Variants in CBX5 observed in about 807,000 individuals in gnomAD.
CBX5 encodes the protein chromobox protein homolog 5.
Under a neutral mutation model 20.7 loss-of-function variants are expected in CBX5, and 7 were observed. That is an observed-to-expected ratio of 0.34 (90% confidence interval 0.19 to 0.63). The LOEUF is 0.63. CBX5 is among the 30% of genes least tolerant of loss of function. The pLI, the probability that CBX5 is intolerant of heterozygous loss-of-function variation, is 0.75. For synonymous variants in CBX5, 78 were observed against 77.0 expected (o/e 1.01, Z -0.07); for missense variants, 110 against 224.1 (o/e 0.49, Z 3.25).
At chr12:54,251,183 G>A (rs1943797079) in intron 3 of CBX5, among the ~76,000 whole-genome samples, 1 of 151,570 alleles carries the variant, frequency 6.6e-6, no homozygotes, top group African/African-American at 2.4e-5. Flanking sequence ...AGCCCCGGCT[G>A]GGCATGGTGG....
At position 54,278,412 on chromosome 12, in the gene CBX5, A is replaced by T. The variant is rs967519438; in HGVS notation, c.-43+1596T>A. Among the ~76,000 whole-genome samples the T allele has an allele frequency of 3.9e-5, 6 of 152,228 alleles. No homozygotes were observed. In the South Asian group the frequency reaches 1.2e-3, roughly 32 times the overall value. ...ATAGGTTTACAGCCAGGTATAAATTATAGGTTTGTCCTTTTGCTAGTGCCA... is the reference window on the plus strand; with the variant it reads ...ATAGGTTTACAGCCAGGTATAAATTTTAGGTTTGTCCTTTTGCTAGTGCCA... On this transcript the variant is annotated intron_variant, in intron 1 of 4. Transcript: ENST00000209875.
At chr12:54,257,779 AC>A (rs1943876770) in intron 1 of CBX5, 87 bp from the exon 2 acceptor site, 1 of 923,854 alleles carries the variant, frequency 1.1e-6, no homozygotes, top group Admixed American at 2.3e-5. Context: ...AGGGGATAAC[AC>A]TGAGTTGCCA....
At chr12:54,248,774 T>C (rs1592156010) in intron 3 of CBX5, among the ~76,000 whole-genome samples, 1 of 152,204 alleles carries the variant, frequency 6.6e-6, no homozygotes, top group Non-Finnish European at 1.5e-5. Flanking sequence ...AAAATCATCA[T>C]ACAGGCAGTA....
chr12:54,252,376 T>C (rs922383869), intron 2 of CBX5, 149 bp from the exon 3 acceptor site: 1 of 460,586 alleles, frequency 2.2e-6, no homozygotes, highest in East Asian at 3.5e-5. Context: ...TGATCCTAGA[T>C]TTCTACCCAG....
At position 54,235,432 on chromosome 12, in the gene CBX5, G is replaced by A. The variant is rs575118647; in HGVS notation, c.*6323C>T. 3.9e-5 allele frequency: 6 copies of A among 152,148 alleles called. No homozygotes were observed. Among genetic ancestry groups the A allele is most frequent in the African/African-American group, 9.7e-5 (4 of 41,396 alleles). The allele number at this position is 152,148 out of a possible 1,614,324, so 9.4% of individuals were successfully genotyped here. ...GATTGAGACCATCCTGGCTAACAAG[G>A]TGAAACCCCGTCTCTACTAAAAATA... On this transcript the variant is annotated 3_prime_UTR_variant, in exon 5 of 5. Transcript: ENST00000209875.
chr12:54,267,636 C>T (rs574860243), intron 1 of CBX5, among the ~76,000 whole-genome samples: 9 of 152,108 alleles, frequency 5.9e-5, no homozygotes, highest in Admixed American at 1.3e-4. Flanking sequence ...CTCAGCCTCC[C>T]GAGTAGCTGG....
intron 1 of CBX5, among the ~76,000 whole-genome samples, chr12:54,270,715 C>T (rs889610357): frequency 5.9e-5 from 9 of 152,082 alleles, no homozygotes; most frequent in Admixed American, 5.2e-4. Flanking sequence ...TTCTTGATGT[C>T]TTTGTTACTG....
chr12:54,243,028 G>A (rs1050873086), intron 4 of CBX5, among the ~76,000 whole-genome samples: 1 of 152,246 alleles, frequency 6.6e-6, no homozygotes, highest in African/African-American at 2.4e-5. Context: ...GGAGGCTGAG[G>A]TGGGAGGATC....
rs780649799 is a variant in CBX5 at position 54,252,047 on chromosome 12, CT to C, written c.317del (p.Lys106ArgfsTer31). The C allele has an allele frequency of 5.0e-5, 79 of 1,569,210 alleles. No homozygotes were observed. The highest frequency in any genetic ancestry group is 1.6e-4 in the Admixed American group (8 of 51,296). On this transcript the variant is annotated frameshift_variant, in exon 3 of 5. Coordinates refer to ENST00000209875, the MANE Select transcript of CBX5 (RefSeq NM_012117.3). LOFTEE classifies it high-confidence loss of function. ...NSADDIKSKK[K>X]REQSNDIARG... ...AAAGGGAAAGGAAGCTTACCTCTCT[CT>C]TTTTTTTAGATTTGATGTCATCGGC... is the stretch of plus-strand genomic sequence containing the variant.
chr12:54,251,516 C>CAAAAAAAAAAAAAAA, intron 3 of CBX5, among the ~76,000 whole-genome samples: 1 of 68,098 alleles, frequency 1.5e-5, no homozygotes, highest in Non-Finnish European at 2.6e-5. Context: ...GACTCTGTCT[C>CAAAAAAAAAAAAAAA]AAAAAAAAAA....
chr12:54,269,347 T>C (rs571479699), intron 1 of CBX5, among the ~76,000 whole-genome samples: 3 of 152,338 alleles, frequency 2.0e-5, no homozygotes, highest in Admixed American at 6.5e-5. Context: ...TATTTCTTCC[T>C]AAAAGGTTTG....
intron 3 of CBX5, among the ~76,000 whole-genome samples, chr12:54,248,348 AAC>A (rs1466075488): frequency 2.0e-5 from 3 of 152,220 alleles, no homozygotes; most frequent in South Asian, 4.1e-4. Flanking sequence ...CTCTAGTGGC[AAC>A]ACACACACAA....
At chr12:54,258,285 A>G (rs941598946) in intron 1 of CBX5, 2 of 152,238 alleles carry the variant, frequency 1.3e-5, no homozygotes, top group African/African-American at 4.8e-5. Context: ...TCACAAAAGC[A>G]AGGCTGACAT....
At chr12:54,246,392 T>A (rs915679186) in intron 3 of CBX5, among the ~76,000 whole-genome samples, 177 bp from the exon 4 acceptor site, 2 of 152,156 alleles carry the variant, frequency 1.3e-5, no homozygotes, top group African/African-American at 4.8e-5. Flanking sequence ...GAAGTGACAG[T>A]GATGTCAAGA....
At position 54,257,552 on chromosome 12, in the gene CBX5, T is replaced by C. The variant is rs373755047; in HGVS notation, c.99A>G (p.Gly33=). 1.9e-6 allele frequency: 3 copies of C among 1,614,056 alleles called. No individual in the cohort carries two copies. Among genetic ancestry groups the C allele is most frequent in the East Asian group, 4.5e-5 (2 of 44,894 alleles). Residue 33 remains glycine, a synonymous_variant, in exon 2 of 5, where the codon GGA becomes GGG. Transcript: ENST00000209875. ...TCCACTTCAGTAGATATTCCACTTGTCCCTTAACCACGCGCCTGTCTAGCA... is the reference window on the plus strand; with the variant it reads ...TCCACTTCAGTAGATATTCCACTTGCCCCTTAACCACGCGCCTGTCTAGCA... ...EKVLDRRVVK[G]QVEYLLKWKG...
chr12:54,252,251 T>TAAA, intron 2 of CBX5, 24 bp from the exon 3 acceptor site: 1 of 1,023,880 alleles, frequency 9.8e-7, no homozygotes, highest in Non-Finnish European at 1.3e-6. Flanking sequence ...ATGGGAAAAT[T>TAAA]AAAAAAAAAA....
At chr12:54,279,680 G>A (rs906816190) in intron 1 of CBX5, among the ~76,000 whole-genome samples, 1 of 152,068 alleles carries the variant, frequency 6.6e-6, no homozygotes, top group Admixed American at 6.6e-5. Context: ...CCTACCGCGC[G>A]CTTCCTGCTC....
At chr12:54,254,654 A>G (rs886681753) in intron 2 of CBX5, among the ~76,000 whole-genome samples, 3 of 152,094 alleles carry the variant, frequency 2.0e-5, no homozygotes, top group Non-Finnish European at 4.4e-5. Context: ...GGAGGTCGAG[A>G]CCATCCTGGC....
chr12:54,252,261 A>AAG, intron 2 of CBX5, 34 bp from the exon 3 acceptor site: 4 of 1,380,058 alleles, frequency 2.9e-6, no homozygotes, highest in African/African-American at 1.5e-5. Context: ...TAAAAAAAAA[A>AAG]GGGGGGGGTA....
Sources: allele counts gnomAD v4.1 joint callset (sites outside exome capture counted in the v4.1 genomes callset), GRCh38; gene constraint gnomAD v4.1.1; transcripts MANE v1.5; gene names NCBI Gene and HGNC (gene_info 2026-07-23, HGNC 2026-07-21).